TENM4: variants seen among roughly 807,000 people sequenced by gnomAD.
TENM4 encodes the protein teneurin-4.
Under a neutral mutation model 243.3 loss-of-function variants are expected in TENM4, and 82 were observed. That is an observed-to-expected ratio of 0.34 (90% CI 0.28 to 0.40). TENM4 has a LOEUF of 0.40. Among genes scored for constraint, TENM4 ranks in the 10% least tolerant of loss-of-function variants. The pLI is 1.00. For missense variants in TENM4, 3,138 were observed against 3,673.3 expected, an observed-to-expected ratio of 0.85 and a Z score of 3.77; for synonymous variants, 1,412 against 1,456.3, an observed-to-expected ratio of 0.97 and a Z score of 0.69.
intron 6 of TENM4, among the ~76,000 whole-genome samples, chr11:79,007,080 A>C (rs1591201914): frequency 6.6e-6 from 1 of 152,192 alleles, no homozygotes; most frequent in East Asian, 1.9e-4. Context: ...TTCCCAGGTC[A>C]CAAGCTTGCC....
intron 4 of TENM4, among the ~76,000 whole-genome samples, chr11:79,110,472 G>A (rs1318237480): frequency 2.0e-5 from 3 of 152,310 alleles, no homozygotes; most frequent in Non-Finnish European, 4.4e-5. Flanking sequence ...CCATAGCCCC[G>A]GAGGTGGAGA....
chr11:79,163,403 A>G (rs1195431374), intron 3 of TENM4, among the ~76,000 whole-genome samples: 1 of 152,086 alleles, frequency 6.6e-6, no homozygotes, highest in Non-Finnish European at 1.5e-5. Context: ...GGCCTGCCGA[A>G]CTTTTTTTTT....
chr11:79,036,159 G>A lies in TENM4; in HGVS notation c.493+28579C>T, dbSNP rs146710305. Among the ~76,000 whole-genome samples, 215 of 152,342 alleles carry A rather than the reference G, an allele frequency of 1.4e-3. 1 individual carries two copies. The highest frequency in any genetic ancestry group is 4.9e-3 in the African/African-American group (204 of 41,574). ...AATCTGAGTCAGTGGGGTCTGGAGT[G>A]GGGCTGAGATTCTGCATTTCTCATC... On this transcript the variant is annotated intron_variant, in intron 6 of 33. Transcript: ENST00000278550.
At chr11:78,787,646 A>G (rs1856968185) in intron 15 of TENM4, among the ~76,000 whole-genome samples, 1 of 152,090 alleles carries the variant, frequency 6.6e-6, no homozygotes, top group African/African-American at 2.4e-5. Flanking sequence ...CCCCATGAGT[A>G]TACTCTAGGT....
chr11:78,969,044 T>C (rs1019144532), intron 6 of TENM4, among the ~76,000 whole-genome samples: 1 of 152,222 alleles, frequency 6.6e-6, no homozygotes, highest in Non-Finnish European at 1.5e-5. Context: ...TGATACCCAC[T>C]GAAAACAGTT....
Position 79,068,755 on chromosome 11 carries a change from G to A in TENM4, c.223+967C>T, listed in dbSNP as rs894319583. Among the ~76,000 whole-genome samples, 5 of 152,144 alleles carry A rather than the reference G, an allele frequency of 3.3e-5. No homozygotes were observed. In the South Asian group the frequency reaches 6.2e-4, roughly 19 times the overall value. ...TGCAGGCAGAAAAACAGGAATCACC[G>A]AGGCACCAGGGTAGGAAAGAAATAT... On this transcript the variant is annotated intron_variant, in intron 5 of 33. Coordinates refer to ENST00000278550, the MANE Select transcript of TENM4 (RefSeq NM_001098816.3).
intron 29 of TENM4, among the ~76,000 whole-genome samples, chr11:78,686,367 C>G (rs1023156095): frequency 6.6e-6 from 1 of 152,128 alleles, no homozygotes; most frequent in African/African-American, 2.4e-5. Context: ...TCGTCTATAC[C>G]CTTGGTAATG....
intron 4 of TENM4, among the ~76,000 whole-genome samples, chr11:79,082,850 C>A (rs1351647234): frequency 6.6e-6 from 1 of 152,190 alleles, no homozygotes; most frequent in Non-Finnish European, 1.5e-5. Flanking sequence ...TAGGAAAACC[C>A]TAACTGCCTG....
chr11:79,147,436 A>T (rs1208530060), intron 4 of TENM4, among the ~76,000 whole-genome samples: 1 of 152,178 alleles, frequency 6.6e-6, no homozygotes, highest in East Asian at 1.9e-4. Flanking sequence ...GTATATTTCC[A>T]TAGCAACCCA....
intron 6 of TENM4, among the ~76,000 whole-genome samples, chr11:79,034,589 A>T (rs2012833): frequency 0.74 from 113,097 of 151,860 alleles, 42,725 homozygotes; most frequent in Non-Finnish European, 0.83. Context: ...ATTAAAAAAA[A>T]TTTTTTTTTA....
intron 1 of TENM4, among the ~76,000 whole-genome samples, chr11:79,364,432 A>C (rs1380725371): frequency 6.6e-6 from 1 of 152,134 alleles, no homozygotes; most frequent in Admixed American, 6.5e-5. Flanking sequence ...CCCTTTCCCC[A>C]AAACCCCCAG....
At chr11:78,694,938 T>C (rs1858918578) in intron 28 of TENM4, among the ~76,000 whole-genome samples, 2 of 152,250 alleles carry the variant, frequency 1.3e-5, no homozygotes, top group South Asian at 4.1e-4. Context: ...ACTTCAGTCA[T>C]GATATCCTTC....
At chr11:78,730,676 G>A (rs1191079697) in intron 21 of TENM4, among the ~76,000 whole-genome samples, 1 of 152,382 alleles carries the variant, frequency 6.6e-6, no homozygotes, top group East Asian at 1.9e-4. Flanking sequence ...TCTGTTTCAA[G>A]AAAGGAACAT....
chr11:79,044,337 A>G (rs956854058), intron 6 of TENM4, among the ~76,000 whole-genome samples: 5 of 152,228 alleles, frequency 3.3e-5, no homozygotes, highest in Non-Finnish European at 7.3e-5. Context: ...GGGCACTAAT[A>G]AAAACATCTA....
chr11:79,139,037 C>A lies in TENM4; in HGVS notation c.-66+9673G>T, dbSNP rs1197975135. Reference sequence around the variant, plus strand: ...ATTTCTATAAATATATATTATATTTCTATAAATATATAAAATATATATTAT... The same window carrying A: ...ATTTCTATAAATATATATTATATTTATATAAATATATAAAATATATATTAT... On this transcript the variant is annotated intron_variant, in intron 4 of 33. Transcript: ENST00000278550. 2.2e-3 allele frequency among the ~76,000 whole-genome samples: 65 copies of A among 29,942 alleles called. 10 individuals carry two copies. The highest frequency in any genetic ancestry group is 3.2e-3 in the Non-Finnish European group (48 of 15,038). 19.6% of individuals were successfully genotyped at this position (29,942 alleles called of 152,430 possible). A position where few individuals can be genotyped will look rare whatever the true frequency, so the allele number is the denominator to read the frequency against.
intron 6 of TENM4, among the ~76,000 whole-genome samples, chr11:78,981,634 A>G (rs1239755515): frequency 2.6e-5 from 4 of 152,184 alleles, no homozygotes; most frequent in African/African-American, 9.6e-5. Flanking sequence ...TAGCAGTGGA[A>G]GCCAAGAAGC....
At chr11:78,863,703 G>A (rs913670105) in intron 9 of TENM4, among the ~76,000 whole-genome samples, 1 of 152,178 alleles carries the variant, frequency 6.6e-6, no homozygotes, top group Non-Finnish European at 1.5e-5. Flanking sequence ...GGCAGAGAAT[G>A]GAAAGCAAGC....
At position 78,942,302 on chromosome 11, in the gene TENM4, C is replaced by G. The variant is rs1307518805; in HGVS notation, c.494-38779G>C. On this transcript the variant is annotated intron_variant, in intron 6 of 33. Transcript: ENST00000278550. ...AAAAAAAAAAAAAAAAAAAAAAAAG[C>G]TGGGCATGGTGGCATGCGCCTGTAG... Among the ~76,000 whole-genome samples, 10 of 74,636 alleles carry G rather than the reference C, an allele frequency of 1.3e-4. No individual in the cohort carries two copies. In the East Asian group the frequency reaches 3.0e-3, roughly 22 times the overall value. The allele number at this position is 74,636 out of a possible 152,430, so 49.0% of individuals were successfully genotyped here.
chr11:78,903,857 G>A (rs1464943782), intron 6 of TENM4: 1 of 584,056 alleles, frequency 1.7e-6, no homozygotes, highest in Non-Finnish European at 3.2e-6. Flanking sequence ...GGTTTTTAAA[G>A]TGTGGCCAGG....
Sources: allele counts gnomAD v4.1 joint callset (sites outside exome capture counted in the v4.1 genomes callset), GRCh38; gene constraint gnomAD v4.1.1; transcripts MANE v1.5; gene names NCBI Gene and HGNC (gene_info 2026-07-23, HGNC 2026-07-21).